Variants in ABCB7 observed in about 807,000 individuals in gnomAD.
The protein encoded by ABCB7 is ATP binding cassette subfamily B member 7.
Under a neutral mutation model 54.4 loss-of-function variants are expected in ABCB7, and 7 were observed. The ratio of observed to expected loss-of-function variants is 0.13; its 90% CI spans 0.07 to 0.24. ABCB7 has a LOEUF of 0.24. Among genes scored for constraint, ABCB7 ranks in the 10% least tolerant of loss-of-function variants. The pLI, the probability that ABCB7 is intolerant of heterozygous loss-of-function variation, is 1.00. For missense variants in ABCB7, 356 were observed against 570.4 expected (o/e 0.62, Z 3.83); for synonymous variants, 218 against 207.1 (o/e 1.05, Z -0.45).
chrX:75,097,090 T>A (rs1429962269), intron 4 of ABCB7, among the ~76,000 whole-genome samples: 1 of 111,719 alleles, frequency 9.0e-6, no homozygotes, highest in Admixed American at 9.5e-5. Flanking sequence ...TACTCATCTA[T>A]TCAAAATACA....
chrX:75,143,326 A>C (rs1233765079), intron 1 of ABCB7, among the ~76,000 whole-genome samples: 6 of 111,745 alleles, frequency 5.4e-5, no homozygotes, highest in Non-Finnish European at 1.1e-4. Context: ...TCCAGTCCCC[A>C]ATAAGTTCCT....
chrX:75,078,885 T>C (rs1602349180), intron 4 of ABCB7, among the ~76,000 whole-genome samples: 1 of 111,987 alleles, frequency 8.9e-6, no homozygotes, highest in South Asian at 3.7e-4. Flanking sequence ...CAAAAGTAAT[T>C]TAAATAAATT....
At chrX:75,103,514 T>A (rs990857166) in intron 3 of ABCB7, among the ~76,000 whole-genome samples, 1 of 111,690 alleles carries the variant, frequency 9.0e-6, no homozygotes, top group African/African-American at 3.3e-5. Flanking sequence ...TTTGTTACTA[T>A]AGCGTTATAA....
At chrX:75,096,318 A>G (rs1319127767) in intron 4 of ABCB7, among the ~76,000 whole-genome samples, 1 of 112,202 alleles carries the variant, frequency 8.9e-6, no homozygotes, top group African/African-American at 3.2e-5. Context: ...GATTTAAGTA[A>G]GTACTCTTTC....
At chrX:75,123,840 C>T (rs1481391205) in intron 1 of ABCB7, among the ~76,000 whole-genome samples, 1 of 111,361 alleles carries the variant, frequency 9.0e-6, no homozygotes, top group Non-Finnish European at 1.9e-5. Context: ...ACAGGCATAT[C>T]GTTTCTGTCA....
intron 4 of ABCB7, among the ~76,000 whole-genome samples, chrX:75,094,023 T>TATATAC (rs1261218262): frequency 6.0e-4 from 15 of 25,108 alleles, no homozygotes; most frequent in African/African-American, 8.9e-4. Context: ...TATATACATA[T>TATATAC]ATATATATAT....
At chrX:75,070,829 T>A (rs1416942732) in intron 9 of ABCB7, among the ~76,000 whole-genome samples, 1 of 111,232 alleles carries the variant, frequency 9.0e-6, no homozygotes, top group Non-Finnish European at 1.9e-5. Context: ...AATGGTTTCT[T>A]TGTAGTGTAA....
At chrX:75,107,473 G>C (rs1161857186) in intron 3 of ABCB7, among the ~76,000 whole-genome samples, 1 of 111,515 alleles carries the variant, frequency 9.0e-6, no homozygotes, top group African/African-American at 3.3e-5. Context: ...GGAGAGGGCA[G>C]AGTGGGGAGG....
chrX:75,081,225 CACTA>C (rs1459074737), intron 4 of ABCB7, among the ~76,000 whole-genome samples: 1 of 112,093 alleles, frequency 8.9e-6, no homozygotes, highest in African/African-American at 3.2e-5. Context: ...AATTAATAGA[CACTA>C]ACATCAGGAT....
intron 1 of ABCB7, among the ~76,000 whole-genome samples, chrX:75,138,619 T>C (rs1408691886): frequency 8.9e-6 from 1 of 111,737 alleles, no homozygotes; most frequent in Non-Finnish European, 1.9e-5. Context: ...TCTTTTACAA[T>C]AGTAGTTCCC....
intron 12 of ABCB7, among the ~76,000 whole-genome samples, chrX:75,067,425 C>A (rs2081329561): frequency 1.8e-5 from 2 of 111,837 alleles, no homozygotes; most frequent in South Asian, 7.6e-4. Context: ...CCTAAGTAGT[C>A]ACAGCTCAGA....
At chrX:75,113,553 A>G (rs973990054) in intron 2 of ABCB7, among the ~76,000 whole-genome samples, 1 of 111,864 alleles carries the variant, frequency 8.9e-6, no homozygotes, top group Non-Finnish European at 1.9e-5. Flanking sequence ...AAATTTCTAA[A>G]GATCAGAGAC....
In ABCB7 at chrX:75,073,996, T is replaced by C. The variant is rs761721715; in HGVS notation, c.856-40A>G. The C allele has an allele frequency of 5.6e-6, 6 of 1,069,628 alleles. No individual in the cohort carries two copies. The East Asian group carries it at 1.8e-4, about 32-fold the overall frequency. 88.1% of individuals were successfully genotyped at this position (1,069,628 alleles called of 1,213,427 possible). A position where few individuals can be genotyped will look rare whatever the true frequency, so the allele number is the denominator to read the frequency against. ...CCAAAGAAGAAACGTGAAACAGTTA[T>C]TGTTCTTCCCAAACAGTTTGTAATA... On this transcript the variant is annotated intron_variant, in intron 6 of 15. Coordinates refer to ENST00000373394, the MANE Select transcript of ABCB7 (RefSeq NM_001271696.3).
chrX:75,102,621 T>G (rs1195152942), intron 3 of ABCB7, among the ~76,000 whole-genome samples: 3 of 111,915 alleles, frequency 2.7e-5, no homozygotes, highest in Non-Finnish European at 3.8e-5. Context: ...ACATACAACA[T>G]GCAGGTATCC....
At chrX:75,130,295 C>G (rs1569243926) in intron 1 of ABCB7, among the ~76,000 whole-genome samples, 1 of 112,257 alleles carries the variant, frequency 8.9e-6, no homozygotes, top group Non-Finnish European at 1.9e-5. Flanking sequence ...ATTCATCCCT[C>G]CACTAAGGCA....
chrX:75,125,545 TGG>T (rs2081918371), intron 1 of ABCB7, among the ~76,000 whole-genome samples: 1 of 111,703 alleles, frequency 9.0e-6, no homozygotes. Flanking sequence ...CCCCTCAGCA[TGG>T]ATGTCTTCTC....
intron 3 of ABCB7, among the ~76,000 whole-genome samples, 200 bp from the exon 4 acceptor site, chrX:75,099,261 C>A (rs1050330616): frequency 9.0e-6 from 1 of 111,570 alleles, no homozygotes; most frequent in African/African-American, 3.3e-5. Context: ...AAAAGTTATT[C>A]ATTTCTCTTA....
intron 13 of ABCB7, among the ~76,000 whole-genome samples, chrX:75,063,832 G>A (rs768834029): frequency 1.4e-4 from 16 of 111,911 alleles, no homozygotes; most frequent in Non-Finnish European, 2.1e-4. Flanking sequence ...TGAGAAATAG[G>A]TAAGAATAAA....
At chrX:75,065,560 TG>T (rs937090921) in intron 12 of ABCB7, among the ~76,000 whole-genome samples, 5 of 111,909 alleles carry the variant, frequency 4.5e-5, no homozygotes, top group Non-Finnish European at 9.4e-5. Flanking sequence ...TCATAGAGAT[TG>T]TCCATGTCAA....
Sources: gnomAD v4.1 joint callset for allele counts (sites outside exome capture counted in the v4.1 genomes callset) on GRCh38, gnomAD v4.1.1 for gene constraint, MANE v1.5 for transcripts, NCBI Gene and HGNC (gene_info 2026-07-23, HGNC 2026-07-21) for gene names.